UBXN2A: variants seen among roughly 807,000 people sequenced by gnomAD.
UBXN2A encodes the protein UBX domain-containing protein 2A.
In UBXN2A, 28 loss-of-function variants were observed where a neutral mutation model predicts 28.4. The ratio of observed to expected loss-of-function variants is 0.99; its 90% CI spans 0.73 to 1.35. The LOEUF (loss-of-function observed/expected upper bound fraction) is 1.35, where lower values mean the gene tolerates loss of function less well. UBXN2A is among the 40% of genes most tolerant of loss of function. The pLI, the probability that UBXN2A is intolerant of heterozygous loss-of-function variation, is 0.00. For synonymous variants in UBXN2A, 97 were observed against 103.6 expected, an observed-to-expected ratio of 0.94 and a Z score of 0.39; for missense variants, 253 against 297.9, an observed-to-expected ratio of 0.85 and a Z score of 1.11.
intron 1 of UBXN2A, chr2:23,944,462 C>A (rs1259310013): frequency 1.9e-5 from 14 of 728,154 alleles, no homozygotes; most frequent in East Asian, 6.1e-5. Flanking sequence ...TGTTTAGATT[C>A]TTTTGCGCTT....
At chr2:23,957,756 C>T (rs1178445990) in intron 1 of UBXN2A, among the ~76,000 whole-genome samples, 1 of 152,136 alleles carries the variant, frequency 6.6e-6, no homozygotes, top group Non-Finnish European at 1.5e-5. Flanking sequence ...ATCTCTGGAA[C>T]CCGGGAGATG....
intron 1 of UBXN2A, among the ~76,000 whole-genome samples, chr2:23,951,355 A>G (rs1023226935): frequency 1.7e-4 from 25 of 148,392 alleles, no homozygotes; most frequent in African/African-American, 6.3e-4. Flanking sequence ...CTGAATAAGT[A>G]TACACTTTAG....
At chr2:23,949,198 G>A (rs1706242514) in intron 1 of UBXN2A, among the ~76,000 whole-genome samples, 1 of 149,562 alleles carries the variant, frequency 6.7e-6, no homozygotes. Context: ...CTAACCTCAG[G>A]TGATCCGCCT....
chr2:23,981,737 T>C (rs1207230590), intron 4 of UBXN2A, among the ~76,000 whole-genome samples: 2 of 151,306 alleles, frequency 1.3e-5, no homozygotes, highest in African/African-American at 2.4e-5. Flanking sequence ...TTACAAAAAA[T>C]ACAAAAATTA....
Position 23,984,843 on chromosome 2 carries a change from A to G in UBXN2A, c.584+12A>G, listed in dbSNP as rs781387648. The G allele has an allele frequency of 5.8e-6, 9 of 1,538,844 alleles. No individual in the cohort carries two copies. The highest frequency in any genetic ancestry group is 5.1e-5 in the South Asian group (4 of 77,998). Reference sequence around the variant, plus strand: ...AACATTACTCATAGGTGAGTCTTCAATTTCAGTATTTGATATTTTTTCACC... The same window carrying G: ...AACATTACTCATAGGTGAGTCTTCAGTTTCAGTATTTGATATTTTTTCACC... On this transcript the variant is annotated intron_variant, in intron 6 of 6. Transcript: ENST00000309033.
chr2:23,929,059 G>A (rs754425347), intron 1 of UBXN2A, among the ~76,000 whole-genome samples: 2 of 152,194 alleles, frequency 1.3e-5, no homozygotes, highest in African/African-American at 2.4e-5. Context: ...AGGCCGAGGC[G>A]GGAGGATGGC....
chr2:23,933,104 C>CA (rs1312223062), intron 1 of UBXN2A, among the ~76,000 whole-genome samples: 3 of 149,606 alleles, frequency 2.0e-5, no homozygotes, highest in South Asian at 4.2e-4. Flanking sequence ...GACTCCATCT[C>CA]AAAAAAATAA....
At chr2:23,928,781 T>C in intron 1 of UBXN2A, among the ~76,000 whole-genome samples, 1 of 151,986 alleles carries the variant, frequency 6.6e-6, no homozygotes. Flanking sequence ...GAAATGACAA[T>C]TTTTTTTGTT....
At chr2:23,989,593 GTA>G (rs1708268026) in intron 6 of UBXN2A, among the ~76,000 whole-genome samples, 1 of 151,046 alleles carries the variant, frequency 6.6e-6, no homozygotes, top group South Asian at 2.1e-4. Flanking sequence ...GTGAATCCAC[GTA>G]GATACATCCA....
At chr2:23,985,241 C>T (rs1244369599) in intron 6 of UBXN2A, among the ~76,000 whole-genome samples, 1 of 151,716 alleles carries the variant, frequency 6.6e-6, no homozygotes, top group East Asian at 1.9e-4. Context: ...TCCTGCCAAG[C>T]ATTTTATTTA....
chr2:23,988,863 TTG>T (rs1708233293), intron 6 of UBXN2A, among the ~76,000 whole-genome samples: 1 of 152,224 alleles, frequency 6.6e-6, no homozygotes, highest in Non-Finnish European at 1.5e-5. Flanking sequence ...CAGGTACAGT[TTG>T]TGAGACGTCC....
intron 2 of UBXN2A, among the ~76,000 whole-genome samples, chr2:23,963,542 G>A (rs1224898306): frequency 6.6e-6 from 1 of 151,420 alleles, no homozygotes; most frequent in Non-Finnish European, 1.5e-5. Context: ...GCATACAACA[G>A]GTATATGTTC....
intron 5 of UBXN2A, among the ~76,000 whole-genome samples, 163 bp from the exon 6 acceptor site, chr2:23,984,510 G>A (rs772397470): frequency 6.6e-6 from 1 of 151,868 alleles, no homozygotes; most frequent in Non-Finnish European, 1.5e-5. Flanking sequence ...CATATATTGT[G>A]GACATAAATA....
In UBXN2A at chr2:24,003,592, G is replaced by A. The variant is rs1708754400; in HGVS notation, c.*3725G>A. 6.6e-6 allele frequency: 1 copy of A among 152,054 alleles called. No homozygotes were observed. The highest frequency in any genetic ancestry group is 1.5e-5 in the Non-Finnish European group (1 of 68,004). 9.4% of individuals were successfully genotyped at this position (152,054 alleles called of 1,614,324 possible). A position where few individuals can be genotyped will look rare whatever the true frequency, so the allele number is the denominator to read the frequency against. On this transcript the variant is annotated 3_prime_UTR_variant, in exon 7 of 7. Transcript: ENST00000309033. ...AATTAGGAAGAGAGGGAGGACAAAG[G>A]AGAGCCTTTTCTTTTGTCCATTACT...
intron 3 of UBXN2A, 67 bp from the exon 4 acceptor site, chr2:23,976,902 T>C: frequency 7.2e-7 from 1 of 1,386,216 alleles, no homozygotes; most frequent in Non-Finnish European, 1.0e-6. Context: ...AGAAGAAATT[T>C]TCAAAGGACT....
At chr2:23,962,948 G>A (rs1298979057) in intron 2 of UBXN2A, among the ~76,000 whole-genome samples, 1 of 152,174 alleles carries the variant, frequency 6.6e-6, no homozygotes, top group Admixed American at 6.6e-5. Context: ...CCGCATGGCT[G>A]GGGAAGCCTC....
At chr2:23,927,467 AGCGGCGACGAAG>A (rs1274934502) in exon 1 of UBXN2A, 4 of 153,588 alleles carry the variant, frequency 2.6e-5, no homozygotes, top group African/African-American at 9.7e-5. Flanking sequence ...GTGGAAGGGG[AGCGGCGACGAAG>A]GCGCGAGGAG....
rs150026953 is a variant in UBXN2A, at chr2:23,971,303, A to G, written c.69A>G (p.Gln23=). The change falls in exon 3 of 7, where the codon CAA becomes CAG. Residue 23 remains glutamine, a synonymous_variant. Transcript: ENST00000309033. ...EWVCETGSDN[Q]PLGNNQQSNC... is the part of the protein sequence containing the mutation. Reference sequence around the variant, plus strand: ...TTTGTGAAACAGGATCTGATAATCAACCTCTTGGTAATAATCAACAATCAA... The same window carrying G: ...TTTGTGAAACAGGATCTGATAATCAGCCTCTTGGTAATAATCAACAATCAA... The G allele has an allele frequency of 3.8e-6, 6 of 1,568,870 alleles. No individual in the cohort carries two copies. The highest frequency in any genetic ancestry group is 5.2e-6 in the Non-Finnish European group (6 of 1,148,064).
chr2:23,946,887 A>AT (rs34433205), intron 1 of UBXN2A, among the ~76,000 whole-genome samples: 5,520 of 131,640 alleles, frequency 0.042, 109 homozygotes, highest in Middle Eastern at 0.054. Flanking sequence ...CAATTTATTA[A>AT]TTTTTTTTTT....
Sources: allele counts gnomAD v4.1 joint callset (sites outside exome capture counted in the v4.1 genomes callset), GRCh38; gene constraint gnomAD v4.1.1; transcripts MANE v1.5; gene names NCBI Gene and HGNC (gene_info 2026-07-23, HGNC 2026-07-21).